The following OPN3 variants were observed in gnomAD, a reference collection of about 807,000 sequenced individuals.
OPN3 encodes the protein opsin-3.
Under a neutral mutation model 33.8 loss-of-function variants are expected in OPN3, and 29 were observed. That is an observed-to-expected ratio of 0.86 (90% CI 0.64 to 1.17). The LOEUF (loss-of-function observed/expected upper bound fraction) is 1.17. OPN3 is among the 50% of genes most tolerant of loss of function. The pLI is 0.00. For missense variants in OPN3, 437 were observed against 514.1 expected (o/e 0.85, Z 1.45); for synonymous variants, 216 against 216.1 (o/e 1.00, Z 0.00).
chr1:241,610,617 A>G (rs1663964206), intron 1 of OPN3, among the ~76,000 whole-genome samples: 1 of 152,246 alleles, frequency 6.6e-6, no homozygotes, highest in South Asian at 2.1e-4. Context: ...CAACAAACAC[A>G]TGTCATACAC....
rs759595678 is a variant in OPN3, at chr1:241,640,129, C to T, written c.126G>A (p.Glu42=). 4.4e-6 allele frequency: 7 copies of T among 1,593,036 alleles called. No homozygotes were observed. The Admixed American group carries it at 1.2e-4, about 28-fold the overall frequency. The change falls in exon 1 of 4, where the codon GAG becomes GAA. Residue 42 remains glutamate (E), a synonymous_variant. Transcript: ENST00000366554. ...TGGAGCCCAGCAGCAGCGCCAGGCG[C>T]TCGTAGGTGCCGGGGCTGAAGAGGG... ...PAPLFSPGTY[E]RLALLLGSIG...
At position 241,639,976 on chromosome 1, in the gene OPN3, G is replaced by A; in HGVS notation, c.279C>T (p.Phe93=). ...ISLSDLLVSL[F]GVTFTFVSCL... ...AGGACACGAAGGTAAAGGTGACCCC[G>A]AAGAGGGACACCAGCAGGTCGCTGA... Residue 93 remains phenylalanine (F), a synonymous_variant, in exon 1 of 4, where the codon TTC becomes TTT. Transcript: ENST00000366554. 1 of 1,612,572 alleles carries A rather than the reference G, an allele frequency of 6.2e-7. No homozygotes were observed. Among genetic ancestry groups the A allele is most frequent in the South Asian group, 1.1e-5 (1 of 90,882 alleles).
intron 1 of OPN3, chr1:241,634,654 G>C (rs762651762): frequency 4.3e-6 from 7 of 1,613,822 alleles, no homozygotes; most frequent in Admixed American, 3.3e-5. Context: ...AGGGGGTGTT[G>C]CCAAACCGTC....
intron 1 of OPN3, among the ~76,000 whole-genome samples, chr1:241,619,505 CA>C (rs1664221750): frequency 6.6e-6 from 1 of 152,128 alleles, no homozygotes; most frequent in Non-Finnish European, 1.5e-5. Flanking sequence ...TCTTATAGTC[CA>C]ATAAACTATA....
chr1:241,610,103 C>T (rs1384781384), intron 1 of OPN3, among the ~76,000 whole-genome samples: 5 of 152,204 alleles, frequency 3.3e-5, no homozygotes, highest in South Asian at 2.1e-4. Context: ...TTGAAGACAG[C>T]GGTCTGTAAA....
At chr1:241,601,289 A>C (rs1285039833) in intron 2 of OPN3, 1 of 152,128 alleles carries the variant, frequency 6.6e-6, no homozygotes, top group Non-Finnish European at 1.5e-5. Context: ...ACTTGAGAAC[A>C]ACTACTCTGA....
At chr1:241,609,802 G>A (rs1663939768) in intron 1 of OPN3, among the ~76,000 whole-genome samples, 1 of 152,176 alleles carries the variant, frequency 6.6e-6, no homozygotes, top group Non-Finnish European at 1.5e-5. Flanking sequence ...TTGAATTATT[G>A]CAAGAGTGCC....
intron 1 of OPN3, 50 bp downstream of exon 1, chr1:241,639,832 G>C (rs1230526869): frequency 7.0e-7 from 1 of 1,419,250 alleles, no homozygotes; most frequent in Admixed American, 2.7e-5. Flanking sequence ...CAGCGGGGTG[G>C]GGAGTGGAAG....
intron 1 of OPN3, chr1:241,635,006 C>T (rs1211297993): frequency 6.2e-6 from 10 of 1,613,408 alleles, no homozygotes; most frequent in Non-Finnish European, 8.5e-6. Context: ...TACATAACGA[C>T]TAACATCTGA....
chr1:241,624,824 G>A (rs148827343), intron 1 of OPN3, among the ~76,000 whole-genome samples: 109 of 152,214 alleles, frequency 7.2e-4, no homozygotes, highest in African/African-American at 2.2e-3. Context: ...GGGGGTTATG[G>A]AATCAAACTG....
chr1:241,631,192 A>C (rs1189720789), intron 1 of OPN3: 2 of 152,038 alleles, frequency 1.3e-5, no homozygotes, highest in Non-Finnish European at 2.9e-5. Context: ...CTCATTTCCC[A>C]CTTATTTTGT....
Position 241,640,195 on chromosome 1 carries a change from G to C in OPN3, c.60C>G (p.Gly20=). 7.3e-7 allele frequency: 1 copy of C among 1,373,010 alleles called. No homozygotes were observed. Among genetic ancestry groups the C allele is most frequent in the East Asian group, 3.0e-5 (1 of 33,006 alleles). The allele number at this position is 1,373,010 out of a possible 1,614,324, so 85.1% of individuals were successfully genotyped here. A position where few individuals can be genotyped will look rare whatever the true frequency, so the allele number is the denominator to read the frequency against. ...HGYWDGGGAA[G]AEGPAPAGTL... is the part of the protein sequence containing the mutation. The stretch of plus-strand genomic sequence containing the variant: ...TCCCCGCCGGCGCCGGCCCCTCAGC[G>C]CCCGCGGCCCCGCCGCCGTCCCAGT... Residue 20 remains glycine, a synonymous_variant, in exon 1 of 4, where the codon GGC becomes GGG. Transcript: ENST00000366554.
chr1:241,636,184 CTCTACTAA>C (rs1664889949), intron 1 of OPN3: 1 of 402,558 alleles, frequency 2.5e-6, no homozygotes, highest in South Asian at 1.2e-4. Context: ...GGACATAAAC[CTCTACTAA>C]AGCATGTCTT....
chr1:241,602,487 G>A lies in OPN3; in HGVS notation c.693+1773C>T, dbSNP rs79166692. ...CAACTCCCTGAACTACAACAGAAAT[G>A]TATTTCTCACAGTTCTGGAGGCTGG... is the stretch of plus-strand genomic sequence containing the variant. On this transcript the variant is annotated intron_variant, in intron 2 of 3. Coordinates refer to ENST00000366554, the MANE Select transcript of OPN3 (RefSeq NM_014322.3). Among the ~76,000 whole-genome samples the A allele has an allele frequency of 1.4e-3, 209 of 152,300 alleles. 2 individuals are homozygous for A. In the East Asian group the frequency reaches 0.037, roughly 27 times the overall value.
chr1:241,628,915 G>A (rs923974517), intron 1 of OPN3: 2 of 152,440 alleles, frequency 1.3e-5, no homozygotes, highest in African/African-American at 4.8e-5. Context: ...TTTAACAGAA[G>A]AAAAATAAAG....
intron 1 of OPN3, among the ~76,000 whole-genome samples, chr1:241,611,347 C>T (rs1663987728): frequency 6.6e-6 from 1 of 152,014 alleles, no homozygotes; most frequent in South Asian, 2.1e-4. Flanking sequence ...AAACCCATGC[C>T]TTCAAGGAGC....
chr1:241,635,649 T>C (rs762862071), intron 1 of OPN3: 17 of 1,613,986 alleles, frequency 1.1e-5, no homozygotes, highest in Non-Finnish European at 1.4e-5. Context: ...TAGTAGCTTC[T>C]TGAATCAATA....
At chr1:241,632,254 A>AT (rs1664667184) in intron 1 of OPN3, 1 of 153,250 alleles carries the variant, frequency 6.5e-6, no homozygotes, top group Non-Finnish European at 1.4e-5. Context: ...TTCCACCATG[A>AT]TTGTGAGGCC....
intron 2 of OPN3, among the ~76,000 whole-genome samples, chr1:241,599,502 T>G (rs915650058): frequency 8.6e-5 from 13 of 151,926 alleles, no homozygotes; most frequent in Non-Finnish European, 1.5e-4. Context: ...TTTAAAGGTT[T>G]ACCTTTAACG....
Sources: allele counts gnomAD v4.1 joint callset (sites outside exome capture counted in the v4.1 genomes callset), GRCh38; gene constraint gnomAD v4.1.1; transcripts MANE v1.5; gene names NCBI Gene and HGNC (gene_info 2026-07-23, HGNC 2026-07-21).